PHACTR2: variants seen among roughly 807,000 people sequenced by gnomAD.
The protein encoded by PHACTR2 is phosphatase and actin regulator 2.
In PHACTR2, 30 loss-of-function variants were observed where a neutral mutation model predicts 76.0. That is an observed-to-expected ratio of 0.39 (90% CI 0.30 to 0.54). The LOEUF is 0.54. Ranked by LOEUF, PHACTR2 falls within the 20% of genes least tolerant of loss-of-function variation. PHACTR2 has a pLI of 0.61. For synonymous variants in PHACTR2, 292 were observed against 292.5 expected (o/e 1.00, Z 0.02); for missense variants, 696 against 781.1 (o/e 0.89, Z 1.30).
chr6:143,722,369 A>G lies in PHACTR2; in HGVS notation c.214+10186A>G, dbSNP rs143248247. 3.5e-3 allele frequency among the ~76,000 whole-genome samples: 525 copies of G among 151,956 alleles called. 5 individuals are homozygous for G. Among genetic ancestry groups the G allele is most frequent in the African/African-American group, 0.012 (481 of 41,410 alleles). On this transcript the variant is annotated intron_variant, in intron 2 of 12. Transcript: ENST00000440869. This position sits in a 1 kb window ranked among gnomAD's most constrained non-coding sequence, Gnocchi z 4.1. ...ACTGTCCTCCATGATATCTGGTTTT[A>G]TACCATTTTGTGGGTGTTTTCTTCT... is the stretch of plus-strand genomic sequence containing the variant.
chr6:143,746,195 T>C (rs1779062221), intron 2 of PHACTR2, among the ~76,000 whole-genome samples: 1 of 152,184 alleles, frequency 6.6e-6, no homozygotes, highest in South Asian at 2.1e-4. Context: ...TTGTCCTTAG[T>C]GATCCTTGAA....
At chr6:143,744,451 T>G (rs962790380) in intron 2 of PHACTR2, among the ~76,000 whole-genome samples, 1 of 152,174 alleles carries the variant, frequency 6.6e-6, no homozygotes, top group Non-Finnish European at 1.5e-5. Flanking sequence ...TTACACATGT[T>G]AGGAGGTGAC....
intron 1 of PHACTR2, among the ~76,000 whole-genome samples, chr6:143,638,562 TAC>T (rs1185343202): frequency 2.0e-5 from 2 of 98,480 alleles, no homozygotes; most frequent in Non-Finnish European, 4.6e-5. Flanking sequence ...AAAAAAGTAT[TAC>T]ACACACACAC....
chr6:143,777,278 A>G lies in PHACTR2; in HGVS notation c.1590-50A>G, dbSNP rs762170652. ...TTTGTTGTTTTATTCTGAGTCTCCTACTAGGGTACCTTGTTTTTAACCTGT... is the reference window on the plus strand; with the variant it reads ...TTTGTTGTTTTATTCTGAGTCTCCTGCTAGGGTACCTTGTTTTTAACCTGT... On this transcript the variant is annotated intron_variant, in intron 8 of 12. Transcript: ENST00000440869. This position sits in a 1 kb window ranked among gnomAD's most constrained non-coding sequence, Gnocchi z 4.6. 6.3e-6 allele frequency: 6 copies of G among 956,668 alleles called. No individual in the cohort carries two copies. Among genetic ancestry groups the G allele is most frequent in the Non-Finnish European group, 9.9e-6 (6 of 603,886 alleles). The allele number at this position is 956,668 out of a possible 1,614,324, so 59.3% of individuals were successfully genotyped here. A position where few individuals can be genotyped will look rare whatever the true frequency, so the allele number is the denominator to read the frequency against.
At chr6:143,771,185 T>C (rs1214455429) in intron 6 of PHACTR2, among the ~76,000 whole-genome samples, 1,420 of 38,032 alleles carry the variant, frequency 0.037, 91 homozygotes, top group African/African-American at 0.19. Context: ...TATATATATA[T>C]ATATGTGTGT....
rs1191565025 is a variant in PHACTR2 at position 143,571,240 on chromosome 6, C to T, written c.217+34033C>T. ...TCATTGTTAGTAACAATTATCATTG[C>T]GGTGTTTGTCAGATGGTGACTTTCT... On this transcript the variant is annotated intron_variant, in intron 1 of 11. Transcript: ENST00000367584. This position sits in a 1 kb window ranked among gnomAD's most constrained non-coding sequence, Gnocchi z 4.6. Among the ~76,000 whole-genome samples the T allele has an allele frequency of 1.3e-5, 2 of 152,082 alleles. No homozygotes were observed. The highest frequency in any genetic ancestry group is 2.9e-5 in the Non-Finnish European group (2 of 67,998).
At position 143,698,477 on chromosome 6, in the gene PHACTR2, A is replaced by G. The variant is rs1312323659; in HGVS notation, c.47-13539A>G. Reference sequence around the variant, plus strand: ...GTGGCTTTTAAATGGTTTCCTGTTTAATTTGCATAGGATATTTCTACCTTT... The same window carrying G: ...GTGGCTTTTAAATGGTTTCCTGTTTGATTTGCATAGGATATTTCTACCTTT... On this transcript the variant is annotated intron_variant, in intron 1 of 12. Coordinates refer to ENST00000440869, the MANE Select transcript of PHACTR2 (RefSeq NM_001100164.2). This position sits in a 1 kb window ranked among gnomAD's most constrained non-coding sequence, Gnocchi z 4.3. Among the ~76,000 whole-genome samples, 1 of 152,202 alleles carries G rather than the reference A, an allele frequency of 6.6e-6. No individual in the cohort carries two copies.
At chr6:143,752,360 G>T (rs1163985596) in intron 3 of PHACTR2, among the ~76,000 whole-genome samples, 1 of 151,838 alleles carries the variant, frequency 6.6e-6, no homozygotes, top group Non-Finnish European at 1.5e-5. Context: ...TGGATATATT[G>T]TGTTCTCCTC....
At chr6:143,718,553 A>T (rs1279430144) in intron 2 of PHACTR2, among the ~76,000 whole-genome samples, 1 of 152,224 alleles carries the variant, frequency 6.6e-6, no homozygotes, top group Admixed American at 6.5e-5. Context: ...TGCCTCACAC[A>T]TTAGTTTTTG....
chr6:143,552,945 A>G (rs1775113004), intron 1 of PHACTR2, among the ~76,000 whole-genome samples: 1 of 152,090 alleles, frequency 6.6e-6, no homozygotes, highest in Non-Finnish European at 1.5e-5. Context: ...AAACCAAAAA[A>G]CACATTGAAG....
intron 1 of PHACTR2, among the ~76,000 whole-genome samples, chr6:143,559,287 A>G (rs538372960): frequency 6.6e-6 from 1 of 152,216 alleles, no homozygotes; most frequent in Non-Finnish European, 1.5e-5. Context: ...CCCCAACTGC[A>G]TCTCTCAGGC....
intron 11 of PHACTR2, among the ~76,000 whole-genome samples, chr6:143,802,374 C>T (rs1431287978): frequency 6.6e-6 from 1 of 152,062 alleles, no homozygotes; most frequent in Non-Finnish European, 1.5e-5. Flanking sequence ...TGTGGTGGCT[C>T]ATGGCTGTAA....
intron 1 of PHACTR2, among the ~76,000 whole-genome samples, chr6:143,575,085 CAAAT>C (rs1482585123): frequency 6.6e-6 from 1 of 151,732 alleles, no homozygotes; most frequent in Non-Finnish European, 1.5e-5. Context: ...AAAAAATAGG[CAAAT>C]AAATAATCAT....
At chr6:143,612,224 A>G (rs376543542) in intron 1 of PHACTR2, among the ~76,000 whole-genome samples, 10 of 152,350 alleles carry the variant, frequency 6.6e-5, no homozygotes, top group African/African-American at 1.9e-4. Context: ...TATAGATGGA[A>G]ATAAGACCAG....
intron 11 of PHACTR2, among the ~76,000 whole-genome samples, chr6:143,805,715 G>C (rs531021133): frequency 6.6e-6 from 1 of 152,318 alleles, no homozygotes; most frequent in East Asian, 1.9e-4. Flanking sequence ...CCAAAAGTCA[G>C]TAGCAAGCAT....
rs183633060 is a variant in PHACTR2 at position 143,631,625 on chromosome 6, G to A, written c.13+23303G>A. Among the ~76,000 whole-genome samples the A allele has an allele frequency of 3.3e-5, 5 of 152,212 alleles. No homozygotes were observed. The East Asian group carries it at 9.7e-4, about 29-fold the overall frequency. ...CTCACACTAATAGGGAAAAGACAAG[G>A]CCATAAATTCAGCTGAATTCTTAAC... On this transcript the variant is annotated intron_variant, in intron 1 of 11. Transcript: ENST00000305766.
At chr6:143,734,051 A>G (rs561646308) in intron 2 of PHACTR2, among the ~76,000 whole-genome samples, 6 of 152,176 alleles carry the variant, frequency 3.9e-5, no homozygotes, top group African/African-American at 1.4e-4. Flanking sequence ...CTTTTTATAC[A>G]TAGGTGGATG....
intron 2 of PHACTR2, among the ~76,000 whole-genome samples, chr6:143,737,209 A>C (rs1449894781): frequency 6.6e-6 from 1 of 151,518 alleles, no homozygotes; most frequent in Non-Finnish European, 1.5e-5. Context: ...TCTACACATA[A>C]CATATTCTAG....
Position 143,822,524 on chromosome 6 carries a change from A to T in PHACTR2, c.1923-1150A>T, listed in dbSNP as rs1377058248. Reference sequence around the variant, plus strand: ...CTAATTAAAAATAAAAAAAGATTTTAAAAACCCCAAGAACTGAAATGATGG... The same window carrying T: ...CTAATTAAAAATAAAAAAAGATTTTTAAAACCCCAAGAACTGAAATGATGG... On this transcript the variant is annotated intron_variant, in intron 12 of 12. Coordinates refer to ENST00000440869, the MANE Select transcript of PHACTR2 (RefSeq NM_001100164.2). The surrounding 1 kb of genome is among the most constrained non-coding windows in gnomAD (Gnocchi z 5.5). 1.3e-5 allele frequency among the ~76,000 whole-genome samples: 2 copies of T among 152,194 alleles called. No individual in the cohort carries two copies. The highest frequency in any genetic ancestry group is 4.8e-5 in the African/African-American group (2 of 41,450).
Sources: allele counts gnomAD v4.1 joint callset (sites outside exome capture counted in the v4.1 genomes callset), GRCh38; gene constraint gnomAD v4.1.1; non-coding constraint Gnocchi (gnomAD v3.1); transcripts MANE v1.5; gene names NCBI Gene and HGNC (gene_info 2026-07-23, HGNC 2026-07-21).